The following DNAH11 variants were observed in gnomAD, a reference collection of about 807,000 sequenced individuals.
DNAH11 encodes the protein axonemal beta dynein heavy chain 11.
Under a neutral mutation model 526.0 loss-of-function variants are expected in DNAH11, and 442 were observed. The ratio of observed to expected loss-of-function variants is 0.84; its 90% CI spans 0.78 to 0.91. The LOEUF is 0.91. Ranked by LOEUF, DNAH11 falls within the 40% of genes least tolerant of loss-of-function variation. The probability of loss-of-function intolerance (pLI) is 0.00; values close to 1 mark genes in which losing one functional copy is unlikely to be tolerated. For synonymous variants in DNAH11, 2,461 were observed against 1,935.9 expected (o/e 1.27, Z -7.12); for missense variants, 6,989 against 5,448.7 (o/e 1.28, Z -8.90).
Position 21,779,232 on chromosome 7 carries a change from A to G in DNAH11, c.9483+128A>G, listed in dbSNP as rs2074330. ...GTCTAAAGAATTATTATAGTTACACATGTAACAGCATTTCACACCGTGATT... is the reference window on the plus strand; with the variant it reads ...GTCTAAAGAATTATTATAGTTACACGTGTAACAGCATTTCACACCGTGATT... On this transcript the variant is annotated intron_variant, in intron 57 of 81. Transcript: ENST00000409508. 0.091 allele frequency: 103,927 copies of G among 1,144,148 alleles called. 6,208 individuals carry two copies. The highest frequency in any genetic ancestry group is 0.34 in the East Asian group (12,635 of 37,448). 70.9% of individuals were successfully genotyped at this position (1,144,148 alleles called of 1,614,324 possible). A position where few individuals can be genotyped will look rare whatever the true frequency, so the allele number is the denominator to read the frequency against.
chr7:21,544,931 C>T, intron 1 of DNAH11, 75 bp from the exon 2 acceptor site: 1 of 1,286,336 alleles, frequency 7.8e-7, no homozygotes, highest in Non-Finnish European at 1.1e-6. Context: ...AGCAATACAG[C>T]TACAAGTTGG....
chr7:21,878,386 G>A (rs1271445484), intron 74 of DNAH11, among the ~76,000 whole-genome samples: 1 of 152,168 alleles, frequency 6.6e-6, no homozygotes, highest in African/African-American at 2.4e-5. Context: ...CTGTAATTCA[G>A]AAAGGTATTA....
chr7:21,675,804 G>C (rs1782855912), intron 30 of DNAH11, among the ~76,000 whole-genome samples: 1 of 152,034 alleles, frequency 6.6e-6, no homozygotes, highest in South Asian at 2.1e-4. Flanking sequence ...GGGTGGAGGA[G>C]ACAAAGAAAT....
chr7:21,711,954 C>A, intron 42 of DNAH11, 94 bp downstream of exon 42: 1 of 1,377,198 alleles, frequency 7.3e-7, no homozygotes, highest in Non-Finnish European at 9.9e-7. Flanking sequence ...CATGTTGTTG[C>A]ACAGCTGTCA....
At chr7:21,564,151 C>A (rs558650704) in intron 5 of DNAH11, 35 bp from the exon 6 acceptor site, 37 of 1,303,790 alleles carry the variant, frequency 2.8e-5, no homozygotes, top group East Asian at 1.0e-4. Context: ...AAAAAACAAA[C>A]CAGAATCACG....
intron 25 of DNAH11, among the ~76,000 whole-genome samples, chr7:21,625,833 C>T (rs902817467): frequency 1.3e-5 from 2 of 152,008 alleles, no homozygotes; most frequent in African/African-American, 4.8e-5. Context: ...TTGATTTCTA[C>T]TTTTATGCCA....
At chr7:21,866,054 C>T (rs756166583) in intron 70 of DNAH11, among the ~76,000 whole-genome samples, 19 of 152,168 alleles carry the variant, frequency 1.2e-4, no homozygotes, top group Non-Finnish European at 2.6e-4. Context: ...TGACCTGTAT[C>T]TTGTGCCAAC....
intron 30 of DNAH11, among the ~76,000 whole-genome samples, chr7:21,680,270 C>T (rs963905074): frequency 6.6e-6 from 1 of 152,190 alleles, no homozygotes; most frequent in Non-Finnish European, 1.5e-5. Context: ...CTGTCATATT[C>T]ACTTACCACC....
At chr7:21,728,345 C>T (rs1785228501) in intron 45 of DNAH11, among the ~76,000 whole-genome samples, 1 of 142,958 alleles carries the variant, frequency 7.0e-6, no homozygotes, top group East Asian at 2.2e-4. Flanking sequence ...GCAACCTCAG[C>T]CTCCCAGCTT....
At chr7:21,641,664 T>C (rs1787135778) in intron 28 of DNAH11, among the ~76,000 whole-genome samples, 2 of 152,234 alleles carry the variant, frequency 1.3e-5, no homozygotes, top group African/African-American at 4.8e-5. Context: ...CTGATGCCAG[T>C]TGATTTTTCA....
chr7:21,728,368 C>G (rs1050857541), intron 45 of DNAH11, among the ~76,000 whole-genome samples: 5 of 149,798 alleles, frequency 3.3e-5, no homozygotes, highest in African/African-American at 1.2e-4. Context: ...AGCAATTCTC[C>G]TGCCTCAGCC....
Position 21,558,849 on chromosome 7 carries a change from C to T in DNAH11, c.543C>T (p.Ser181=). 4 of 1,608,418 alleles carry T rather than the reference C, an allele frequency of 2.5e-6. No individual in the cohort carries two copies. Among genetic ancestry groups the T allele is most frequent in the Non-Finnish European group, 3.4e-6 (4 of 1,177,486 alleles). The change falls in exon 3 of 82, where the codon TCC becomes TCT. Residue 181 remains serine, a synonymous_variant. Coordinates refer to ENST00000409508, the MANE Select transcript of DNAH11 (RefSeq NM_001277115.2). The stretch of plus-strand genomic sequence containing the variant: ...ATAAGAACAACCATAAGTCCTGGTC[C>T]TGTTTTACTTCACAAGATATGGAAT... ...LSNKNNHKSW[S]CFTSQDMEYH...
At chr7:21,600,552 A>G (rs568267356) in intron 15 of DNAH11, 124 bp from the exon 16 acceptor site, 23 of 1,146,384 alleles carry the variant, frequency 2.0e-5, no homozygotes, top group Admixed American at 1.4e-4. Context: ...GGAAAAAGCA[A>G]CATGATTTTT....
intron 66 of DNAH11, among the ~76,000 whole-genome samples, chr7:21,852,089 G>A (rs1233579792): frequency 6.6e-6 from 1 of 152,030 alleles, no homozygotes; most frequent in East Asian, 1.9e-4. Flanking sequence ...TGAAATTTGT[G>A]ATTAAGGAAA....
chr7:21,877,102 G>A (rs1474462618), intron 74 of DNAH11, among the ~76,000 whole-genome samples: 1 of 152,216 alleles, frequency 6.6e-6, no homozygotes, highest in Non-Finnish European at 1.5e-5. Flanking sequence ...ACCCATATGG[G>A]TTAGGTAAAT....
intron 9 of DNAH11, among the ~76,000 whole-genome samples, chr7:21,583,498 A>G (rs554869736): frequency 6.6e-6 from 1 of 152,360 alleles, no homozygotes; most frequent in Admixed American, 6.5e-5. Flanking sequence ...AATCCCAGGC[A>G]ATACCATTCA....
At chr7:21,552,550 G>A (rs1783061592) in intron 2 of DNAH11, among the ~76,000 whole-genome samples, 1 of 152,072 alleles carries the variant, frequency 6.6e-6, no homozygotes, top group Admixed American at 6.5e-5. Context: ...AGCTTATGGT[G>A]GTTTCTGATA....
intron 40 of DNAH11, among the ~76,000 whole-genome samples, 187 bp from the exon 41 acceptor site, chr7:21,710,364 GGT>G (rs1219508163): frequency 6.6e-6 from 1 of 152,128 alleles, no homozygotes; most frequent in Non-Finnish European, 1.5e-5. Context: ...TTCTCAGTGA[GGT>G]GAAACTTACA....
At position 21,831,793 on chromosome 7, in the gene DNAH11, G is replaced by T. The variant is rs1462736816; in HGVS notation, c.10692-10751G>T. 2.0e-5 allele frequency among the ~76,000 whole-genome samples: 3 copies of T among 152,076 alleles called. 1 individual carries two copies. Among genetic ancestry groups the T allele is most frequent in the Non-Finnish European group, 4.4e-5 (3 of 68,000 alleles). ...AGATACTTGATTAAACATTTAACCA[G>T]TTAAAAGCTTCTGTTGGCCAGGCGC... On this transcript the variant is annotated intron_variant, in intron 65 of 81. Transcript: ENST00000409508.
Sources: allele counts gnomAD v4.1 joint callset (sites outside exome capture counted in the v4.1 genomes callset), GRCh38; gene constraint gnomAD v4.1.1; transcripts MANE v1.5; gene names NCBI Gene and HGNC (gene_info 2026-07-23, HGNC 2026-07-21).